The following DSCAM variants were observed in gnomAD, a reference collection of about 807,000 sequenced individuals.
DSCAM encodes the protein cell adhesion molecule DSCAM.
In DSCAM, 47 loss-of-function variants were observed where a neutral mutation model predicts 217.7. That is an observed-to-expected ratio of 0.22 (90% confidence interval 0.17 to 0.28). DSCAM has a LOEUF of 0.28. DSCAM is among the 10% of genes least tolerant of loss of function. DSCAM has a pLI of 1.00. For missense variants in DSCAM, 2,080 were observed against 2,618.3 expected, an observed-to-expected ratio of 0.79 and a Z score of 4.49; for synonymous variants, 1,056 against 1,015.3, an observed-to-expected ratio of 1.04 and a Z score of -0.76.
At chr21:40,138,818 G>A (rs532175264) in intron 18 of DSCAM, among the ~76,000 whole-genome samples, 83 of 145,448 alleles carry the variant, frequency 5.7e-4, no homozygotes, top group Admixed American at 5.4e-3. Context: ...GTGTGTGTAC[G>A]TGTGGTGTGG....
At chr21:40,323,832 A>G (rs968985430) in intron 8 of DSCAM, among the ~76,000 whole-genome samples, 6 of 152,086 alleles carry the variant, frequency 3.9e-5, no homozygotes, top group African/African-American at 1.4e-4. Context: ...GGCTGGGTGC[A>G]GTGGCTCACG....
chr21:40,706,193 A>AAAAAAAG (rs1555882498), intron 2 of DSCAM, among the ~76,000 whole-genome samples: 5 of 148,894 alleles, frequency 3.4e-5, no homozygotes, highest in African/African-American at 1.2e-4. Context: ...AAAAAAAAAA[A>AAAAAAAG]AAAGAAAGAA....
intron 3 of DSCAM, among the ~76,000 whole-genome samples, chr21:40,590,306 T>A (rs2076975035): frequency 6.6e-6 from 1 of 152,240 alleles, no homozygotes; most frequent in Admixed American, 6.5e-5. Context: ...TAGTGCTCTA[T>A]CATTAGGTCC....
At chr21:40,790,389 C>T (rs1022104321) in intron 1 of DSCAM, among the ~76,000 whole-genome samples, 1 of 152,042 alleles carries the variant, frequency 6.6e-6, no homozygotes, top group African/African-American at 2.4e-5. Flanking sequence ...GCCGTGTTGG[C>T]CAGGCAAACG....
At chr21:40,728,867 G>A (rs1223085056) in intron 1 of DSCAM, among the ~76,000 whole-genome samples, 2 of 152,156 alleles carry the variant, frequency 1.3e-5, no homozygotes, top group Non-Finnish European at 2.9e-5. Flanking sequence ...CTCTAGAGAA[G>A]AGAAGGAAAT....
chr21:40,486,425 T>A (rs1420158248), intron 3 of DSCAM, among the ~76,000 whole-genome samples: 1 of 149,632 alleles, frequency 6.7e-6, no homozygotes, highest in East Asian at 2.0e-4. Flanking sequence ...CCAATAAATG[T>A]CAAGTAAAAG....
intron 3 of DSCAM, among the ~76,000 whole-genome samples, chr21:40,483,031 T>C (rs1051850272): frequency 6.6e-5 from 10 of 152,246 alleles, no homozygotes; most frequent in African/African-American, 2.4e-4. Context: ...ATACTGATCA[T>C]CTGTGTCAGT....
chr21:40,106,504 T>G (rs1304910900), intron 20 of DSCAM, among the ~76,000 whole-genome samples: 2 of 151,790 alleles, frequency 1.3e-5, no homozygotes, highest in Non-Finnish European at 2.9e-5. Flanking sequence ...TAGGAAGGAG[T>G]CCCCCCTCCT....
chr21:40,590,111 A>G (rs543845826), intron 3 of DSCAM, among the ~76,000 whole-genome samples: 5 of 152,356 alleles, frequency 3.3e-5, no homozygotes, highest in South Asian at 2.1e-4. Flanking sequence ...TGAATCTCCA[A>G]TGTAACTAAG....
At chr21:40,575,426 C>T (rs2076841950) in intron 3 of DSCAM, among the ~76,000 whole-genome samples, 1 of 151,978 alleles carries the variant, frequency 6.6e-6, no homozygotes, top group South Asian at 2.1e-4. Flanking sequence ...ATAATTAAGA[C>T]AGTGTAGTTT....
At chr21:40,620,432 G>T (rs532658999) in intron 3 of DSCAM, among the ~76,000 whole-genome samples, 54 of 141,688 alleles carry the variant, frequency 3.8e-4, no homozygotes, top group African/African-American at 1.4e-3. Flanking sequence ...AAGAGGGAGG[G>T]GGAAGGGAGG....
intron 14 of DSCAM, 67 bp from the exon 15 acceptor site, chr21:40,179,161 G>C (rs1265197220): frequency 3.8e-6 from 1 of 260,030 alleles, no homozygotes; most frequent in Non-Finnish European, 6.8e-6. Flanking sequence ...GCCTTTGAAA[G>C]TTCACAAGTA....
intron 11 of DSCAM, among the ~76,000 whole-genome samples, chr21:40,257,558 C>T (rs1175009604): frequency 6.6e-6 from 1 of 151,780 alleles, no homozygotes; most frequent in Non-Finnish European, 1.5e-5. Context: ...TCTCATAATG[C>T]ATCATCCTTA....
intron 29 of DSCAM, among the ~76,000 whole-genome samples, chr21:40,053,708 C>CTCTTGCTG (rs996521263): frequency 5.3e-5 from 8 of 152,184 alleles, no homozygotes; most frequent in African/African-American, 9.7e-5. Flanking sequence ...AGGTCAAGGG[C>CTCTTGCTG]TCTTGCTGAT....
Position 40,529,175 on chromosome 21 carries a change from C to CA in DSCAM, c.509-159931dup, listed in dbSNP as rs1430965223. ...CTCCTCAGCCTCCCAAAATTACAGA[C>CA]ATAAGCCACTGCTTCTGGCCTAGGC... On this transcript the variant is annotated intron_variant, in intron 3 of 32. Transcript: ENST00000400454. Among the ~76,000 whole-genome samples, 4 of 152,144 alleles carry CA rather than the reference C, an allele frequency of 2.6e-5. No individual in the cohort carries two copies. In the East Asian group the frequency reaches 5.8e-4, roughly 22 times the overall value.
intron 3 of DSCAM, among the ~76,000 whole-genome samples, chr21:40,431,813 T>C (rs578090221): frequency 2.0e-5 from 3 of 152,354 alleles, no homozygotes; most frequent in Admixed American, 2.0e-4. Flanking sequence ...TGCTGCATTT[T>C]TCTAGAGTCA....
chr21:40,387,433 G>A (rs2075096904), intron 3 of DSCAM, among the ~76,000 whole-genome samples: 1 of 151,860 alleles, frequency 6.6e-6, no homozygotes, highest in Non-Finnish European at 1.5e-5. Flanking sequence ...TAGGGATTAT[G>A]TCTAACCATA....
intron 15 of DSCAM, among the ~76,000 whole-genome samples, chr21:40,169,184 G>A (rs752696517): frequency 1.9e-4 from 29 of 152,190 alleles, no homozygotes; most frequent in African/African-American, 2.6e-4. Context: ...GCAGAGCGAC[G>A]GGAGGCCTTA....
Position 40,353,838 on chromosome 21 carries a change from A to G in DSCAM, c.656-95T>C, listed in dbSNP as rs911281393. Reference sequence around the variant, plus strand: ...TTCATGTATAACTTAAATACGGTGCATCATACCAACTATTGATACAGATCT... The same window carrying G: ...TTCATGTATAACTTAAATACGGTGCGTCATACCAACTATTGATACAGATCT... On this transcript the variant is annotated intron_variant, in intron 4 of 32. Transcript: ENST00000400454. The G allele has an allele frequency of 2.2e-4, 244 of 1,107,480 alleles. 1 individual carries two copies. Among genetic ancestry groups the G allele is most frequent in the Non-Finnish European group, 6.8e-5 (56 of 825,634 alleles). 68.6% of individuals were successfully genotyped at this position (1,107,480 alleles called of 1,614,324 possible).
Sources: gnomAD v4.1 joint callset for allele counts (sites outside exome capture counted in the v4.1 genomes callset) on GRCh38, gnomAD v4.1.1 for gene constraint, MANE v1.5 for transcripts, NCBI Gene and HGNC (gene_info 2026-07-23, HGNC 2026-07-21) for gene names.